Variants in PHF21A observed in about 807,000 individuals in gnomAD.
PHF21A encodes BHC80a.
PHF21A carries 11 observed loss-of-function variants against 82.5 expected under a neutral mutation model. That is an observed-to-expected ratio of 0.13 (90% confidence interval 0.08 to 0.22). The LOEUF (loss-of-function observed/expected upper bound fraction) is 0.22, where lower values mean the gene tolerates loss of function less well. PHF21A is among the 10% of genes least tolerant of loss of function. The pLI is 1.00. For missense variants in PHF21A, 579 were observed against 837.8 expected (o/e 0.69, Z 3.81); for synonymous variants, 297 against 302.8 (o/e 0.98, Z 0.20).
At chr11:46,058,455 A>G (rs1053698568) in intron 6 of PHF21A, among the ~76,000 whole-genome samples, 1 of 152,206 alleles carries the variant, frequency 6.6e-6, no homozygotes, top group East Asian at 1.9e-4. Flanking sequence ...TAGGACTGAT[A>G]TATTCTCAGC....
intron 6 of PHF21A, among the ~76,000 whole-genome samples, chr11:46,053,123 T>C (rs375227546): frequency 6.6e-6 from 1 of 152,152 alleles, no homozygotes; most frequent in Non-Finnish European, 1.5e-5. Flanking sequence ...AATTCAAAAT[T>C]TGTAATTAAA....
chr11:45,949,496 A>T lies in PHF21A; in HGVS notation c.1148-15T>A. ...GCTTTGGATTTCTTGAGAGAAGAAA[A>T]GGTTTTCATTAGCAGAGAGGCATGG... On this transcript the variant is annotated splice_polypyrimidine_tract_variant and intron_variant, in intron 12 of 18. Transcript: ENST00000676320. The T allele has an allele frequency of 6.2e-7, 1 of 1,610,394 alleles. No homozygotes were observed. The highest frequency in any genetic ancestry group is 1.7e-4 in the Middle Eastern group (1 of 6,058).
At position 46,074,230 on chromosome 11, in the gene PHF21A, AT is replaced by A. The variant is rs530212763; in HGVS notation, c.153+2523del. Reference sequence around the variant, plus strand: ...AGTTTTCTAATAAATATTGAAAAAAATGATTACAGAAAAATGCACAAAGAAA... The same window carrying A: ...AGTTTTCTAATAAATATTGAAAAAAAGATTACAGAAAAATGCACAAAGAAA... On this transcript the variant is annotated intron_variant, in intron 6 of 18. Coordinates refer to ENST00000676320, the MANE Select transcript of PHF21A (RefSeq NM_001352027.3). 2.1e-3 allele frequency among the ~76,000 whole-genome samples: 315 copies of A among 152,276 alleles called. 3 individuals carry two copies. The highest frequency in any genetic ancestry group is 5.9e-3 in the African/African-American group (246 of 41,566).
At chr11:45,993,690 C>G (rs1048930629) in intron 6 of PHF21A, among the ~76,000 whole-genome samples, 3 of 151,578 alleles carry the variant, frequency 2.0e-5, no homozygotes, top group African/African-American at 7.3e-5. Flanking sequence ...GTCATATTCT[C>G]TAGATACAGT....
At chr11:45,935,030 AC>A in intron 18 of PHF21A, 1 of 999,278 alleles carries the variant, frequency 1.0e-6, no homozygotes, top group Admixed American at 2.3e-5. Flanking sequence ...GGAAAAGAAG[AC>A]TGGCTCCTTG....
chr11:45,981,392 CAA>C (rs59866051), intron 6 of PHF21A, among the ~76,000 whole-genome samples: 1,073 of 60,228 alleles, frequency 0.018, 5 homozygotes, highest in African/African-American at 0.057. Context: ...AACCCTGTCT[CAA>C]AAAAAAAAAA....
At chr11:46,002,233 C>T (rs1300478469) in intron 6 of PHF21A, among the ~76,000 whole-genome samples, 2 of 152,138 alleles carry the variant, frequency 1.3e-5, no homozygotes, top group Admixed American at 6.5e-5. Context: ...ATCTGGCACA[C>T]TGGGCTAGGT....
intron 6 of PHF21A, among the ~76,000 whole-genome samples, chr11:46,018,898 G>T (rs1592064758): frequency 6.6e-6 from 1 of 152,244 alleles, no homozygotes; most frequent in Admixed American, 6.5e-5. Context: ...ACATCTCAGA[G>T]TAATGCAATC....
At chr11:45,975,425 C>T (rs2093980258) in intron 7 of PHF21A, among the ~76,000 whole-genome samples, 1 of 150,418 alleles carries the variant, frequency 6.6e-6, no homozygotes, top group Non-Finnish European at 1.5e-5. Flanking sequence ...ATATACAAAT[C>T]AGAATTTAAG....
intron 1 of PHF21A, among the ~76,000 whole-genome samples, chr11:46,095,097 G>T (rs1364071467): frequency 6.6e-6 from 1 of 152,016 alleles, no homozygotes; most frequent in Non-Finnish European, 1.5e-5. Context: ...ATTATTTTTA[G>T]ACTAATGATT....
At chr11:45,995,015 C>T (rs980006521) in intron 6 of PHF21A, among the ~76,000 whole-genome samples, 1 of 152,192 alleles carries the variant, frequency 6.6e-6, no homozygotes, top group African/African-American at 2.4e-5. Context: ...ATATGCAGAC[C>T]TGGGAGAAAG....
chr11:46,115,855 G>C (rs1418850832), intron 1 of PHF21A, among the ~76,000 whole-genome samples: 1 of 152,098 alleles, frequency 6.6e-6, no homozygotes, highest in African/African-American at 2.4e-5. Context: ...ATTAATATAA[G>C]CTTAACTTCA....
intron 15 of PHF21A, among the ~76,000 whole-genome samples, chr11:45,945,358 C>CTCTGCTCTAAAGAGCAGAGTT (rs1309683013): frequency 9.8e-5 from 15 of 152,336 alleles, no homozygotes; most frequent in South Asian, 6.2e-4. Flanking sequence ...TTCTGATCAA[C>CTCTGCTCTAAAGAGCAGAGTT]TCTGCTCTAA....
rs148452083 is a variant in PHF21A at position 46,005,928 on chromosome 11, C to G, written c.154-25962G>C. 1.1e-4 allele frequency among the ~76,000 whole-genome samples: 17 copies of G among 152,194 alleles called. No individual in the cohort carries two copies. The East Asian group carries it at 3.3e-3, about 29-fold the overall frequency. On this transcript the variant is annotated intron_variant, in intron 6 of 18. Coordinates refer to ENST00000676320, the MANE Select transcript of PHF21A (RefSeq NM_001352027.3). ...ACTTCAACTTCAGAACTCTCAAGAA[C>G]AGTAAGAAAAATAAAACATACAATT...
intron 6 of PHF21A, among the ~76,000 whole-genome samples, chr11:45,980,355 G>T (rs1030805664): frequency 4.6e-5 from 7 of 152,166 alleles, no homozygotes; most frequent in Non-Finnish European, 8.8e-5. Context: ...GCTCTAAGAT[G>T]TTGGGTAAGT....
intron 6 of PHF21A, among the ~76,000 whole-genome samples, chr11:46,045,310 A>G (rs1342569968): frequency 1.3e-5 from 2 of 152,314 alleles, no homozygotes; most frequent in Admixed American, 6.5e-5. Context: ...ATTAGCACAC[A>G]TTATTATACC....
At chr11:46,079,610 A>G (rs2096765817) in intron 4 of PHF21A, among the ~76,000 whole-genome samples, 1 of 152,220 alleles carries the variant, frequency 6.6e-6, no homozygotes, top group Non-Finnish European at 1.5e-5. Flanking sequence ...TTACCACAGA[A>G]GGAGCTTAGT....
intron 6 of PHF21A, among the ~76,000 whole-genome samples, chr11:46,048,776 A>C (rs539758745): frequency 6.6e-6 from 1 of 152,148 alleles, no homozygotes; most frequent in Non-Finnish European, 1.5e-5. Flanking sequence ...TCTCAAAAAA[A>C]AAATAATTTT....
chr11:46,063,120 C>T (rs969894838), intron 6 of PHF21A, among the ~76,000 whole-genome samples: 3 of 151,712 alleles, frequency 2.0e-5, no homozygotes, highest in Admixed American at 1.3e-4. Flanking sequence ...GGAATAGAGA[C>T]GAAGAGAATA....
Sources: gnomAD v4.1 joint callset for allele counts (sites outside exome capture counted in the v4.1 genomes callset) on GRCh38, gnomAD v4.1.1 for gene constraint, MANE v1.5 for transcripts, NCBI Gene and HGNC (gene_info 2026-07-23, HGNC 2026-07-21) for gene names.